Variants in DMRT1 observed in about 807,000 individuals in gnomAD.
DMRT1 encodes the protein doublesex- and mab-3-related transcription factor 1.
A neutral mutation model predicts 32.3 loss-of-function variants in DMRT1; 7 were observed. That is an observed-to-expected ratio of 0.22 (90% CI 0.12 to 0.41). The LOEUF (loss-of-function observed/expected upper bound fraction) is 0.41. DMRT1 is among the 10% of genes least tolerant of loss of function. DMRT1 has a pLI of 1.00. For missense variants in DMRT1, 625 were observed against 500.5 expected, an observed-to-expected ratio of 1.25 and a Z score of -2.37; for synonymous variants, 278 against 206.1, an observed-to-expected ratio of 1.35 and a Z score of -2.99.
chr9:911,771 C>T (rs920877272), intron 3 of DMRT1, among the ~76,000 whole-genome samples: 6 of 152,124 alleles, frequency 3.9e-5, no homozygotes, highest in Non-Finnish European at 7.4e-5. Context: ...GGACTGCAGG[C>T]GTGAGCCACC....
In DMRT1 at chr9:842,328, G is replaced by T. The variant is rs1427992709; in HGVS notation, c.354+136G>T. On this transcript the variant is annotated intron_variant, in intron 1 of 4. Coordinates refer to ENST00000382276, the MANE Select transcript of DMRT1 (RefSeq NM_021951.3). ...TGGCTCACTGCAACCTCCGCTTCCC[G>T]GGTTCAAGCAATTCTCCTGCCTCAG... 8 of 1,164,390 alleles carry T rather than the reference G, an allele frequency of 6.9e-6. No homozygotes were observed. In the Admixed American group the frequency reaches 7.5e-5, roughly 11 times the overall value. The allele number at this position is 1,164,390 out of a possible 1,614,324, so 72.1% of individuals were successfully genotyped here. A position where few individuals can be genotyped will look rare whatever the true frequency, so the allele number is the denominator to read the frequency against.
chr9:902,137 T>C (rs1282682364), intron 3 of DMRT1, among the ~76,000 whole-genome samples: 1 of 151,546 alleles, frequency 6.6e-6, no homozygotes, highest in Non-Finnish European at 1.5e-5. Context: ...CTCAAACTCC[T>C]GACCTCAGGT....
chr9:886,342 G>A (rs2132638970), intron 2 of DMRT1, among the ~76,000 whole-genome samples: 1 of 152,164 alleles, frequency 6.6e-6, no homozygotes, highest in South Asian at 2.1e-4. Context: ...TGCAACCTCC[G>A]CCTCCTGGGT....
intron 2 of DMRT1, among the ~76,000 whole-genome samples, chr9:870,136 G>A (rs755616805): frequency 3.3e-5 from 5 of 152,304 alleles, no homozygotes; most frequent in South Asian, 4.1e-4. Context: ...GGTGGCTCAC[G>A]CCTGTAATCG....
chr9:913,299 C>T (rs527775986), intron 3 of DMRT1, among the ~76,000 whole-genome samples: 2 of 152,248 alleles, frequency 1.3e-5, no homozygotes, highest in East Asian at 3.9e-4. Context: ...CAGGGAGGCT[C>T]CATTATTTAT....
chr9:950,992 C>T (rs1034413520), intron 4 of DMRT1, among the ~76,000 whole-genome samples: 1 of 152,158 alleles, frequency 6.6e-6, no homozygotes, highest in African/African-American at 2.4e-5. Context: ...CCCTTACTAC[C>T]AGGCATATTA....
intron 4 of DMRT1, among the ~76,000 whole-genome samples, chr9:926,718 A>G (rs1818537913): frequency 4.0e-5 from 6 of 150,666 alleles, no homozygotes; most frequent in Admixed American, 4.0e-4. Flanking sequence ...AGAGAGAGAG[A>G]AGCTCTGGAA....
chr9:853,626 C>A (rs1438437189), intron 2 of DMRT1, among the ~76,000 whole-genome samples: 1 of 151,658 alleles, frequency 6.6e-6, no homozygotes, highest in Non-Finnish European at 1.5e-5. Context: ...GCATGCACCA[C>A]CAAACCTGGC....
chr9:890,757 C>A (rs901637926), intron 2 of DMRT1, among the ~76,000 whole-genome samples: 1 of 152,122 alleles, frequency 6.6e-6, no homozygotes, highest in Non-Finnish European at 1.5e-5. Flanking sequence ...TTCTGTCACC[C>A]AGGCTGGAGT....
chr9:847,203 C>A, intron 2 of DMRT1, 60 bp downstream of exon 2: 2 of 1,561,162 alleles, frequency 1.3e-6, no homozygotes, highest in Non-Finnish European at 1.8e-6. Context: ...CGAAGGGTTG[C>A]AGCCACAGAA....
rs1838941897 is a variant in DMRT1, at chr9:847,124, C to T, written c.519C>T (p.Val173=). The change falls in exon 2 of 5, where the codon GTC becomes GTT. Residue 173 remains valine (V), a synonymous_variant. Transcript: ENST00000382276. ...CCTCTCAGCCACCGCCGGCCAGTGT[C>T]CCCACCACTGCAGCTTCAGGTAATC... ...SGTSQPPPAS[V]PTTAASEGRM... 6.2e-7 allele frequency: 1 copy of T among 1,613,002 alleles called. No homozygotes were observed. Among genetic ancestry groups the T allele is most frequent in the African/African-American group, 1.3e-5 (1 of 74,896 alleles).
At chr9:893,416 C>G (rs962106226) in intron 2 of DMRT1, among the ~76,000 whole-genome samples, 2 of 152,244 alleles carry the variant, frequency 1.3e-5, no homozygotes, top group Admixed American at 1.3e-4. Context: ...TGCCCCTGGT[C>G]CGCACCTTTG....
intron 4 of DMRT1, among the ~76,000 whole-genome samples, chr9:963,850 A>G (rs1819851027): frequency 6.6e-6 from 1 of 152,262 alleles, no homozygotes; most frequent in South Asian, 2.1e-4. Context: ...TTGTTGTTTA[A>G]GAAATTTTCA....
At chr9:871,588 G>A (rs1199040705) in intron 2 of DMRT1, among the ~76,000 whole-genome samples, 7 of 135,878 alleles carry the variant, frequency 5.2e-5, no homozygotes, top group East Asian at 2.2e-4. Context: ...TGATCCGCCC[G>A]CCTCTGCCTC....
chr9:950,328 C>G (rs1819387853), intron 4 of DMRT1, among the ~76,000 whole-genome samples: 1 of 152,096 alleles, frequency 6.6e-6, no homozygotes, highest in Admixed American at 6.6e-5. Context: ...AGAGGTCTCT[C>G]TGGGTCAGCA....
At chr9:909,807 G>A (rs1457505231) in intron 3 of DMRT1, among the ~76,000 whole-genome samples, 1 of 152,040 alleles carries the variant, frequency 6.6e-6, no homozygotes, top group Non-Finnish European at 1.5e-5. Context: ...TGACCTGCTG[G>A]GCTTAAGCGA....
At chr9:957,790 A>G (rs907623004) in intron 4 of DMRT1, among the ~76,000 whole-genome samples, 1 of 152,178 alleles carries the variant, frequency 6.6e-6, no homozygotes, top group African/African-American at 2.4e-5. Context: ...CAGGTGGATC[A>G]CCTGAGGTCA....
At chr9:967,114 GA>G (rs1819953971) in intron 4 of DMRT1, among the ~76,000 whole-genome samples, 1 of 152,192 alleles carries the variant, frequency 6.6e-6, no homozygotes, top group African/African-American at 2.4e-5. Context: ...AATGAGGAGA[GA>G]AATTACCACT....
At chr9:901,618 C>T (rs1176236393) in intron 3 of DMRT1, among the ~76,000 whole-genome samples, 9 of 152,106 alleles carry the variant, frequency 5.9e-5, no homozygotes, top group Admixed American at 1.3e-4. Context: ...GGAGCCACCG[C>T]GCCCGGCTGC....
Sources: allele counts gnomAD v4.1 joint callset (sites outside exome capture counted in the v4.1 genomes callset), GRCh38; gene constraint gnomAD v4.1.1; transcripts MANE v1.5; gene names NCBI Gene and HGNC (gene_info 2026-07-23, HGNC 2026-07-21).